Variants in ASNS observed in about 807,000 individuals in gnomAD.
ASNS encodes the protein asparagine synthetase [glutamine-hydrolyzing].
Under a neutral mutation model 62.6 loss-of-function variants are expected in ASNS, and 37 were observed. That is an observed-to-expected ratio of 0.59 (90% CI 0.45 to 0.78). The LOEUF (loss-of-function observed/expected upper bound fraction) is 0.78, where lower values mean the gene tolerates loss of function less well. Ranked by LOEUF, ASNS falls within the 30% of genes least tolerant of loss-of-function variation. ASNS has a pLI of 0.00. For synonymous variants in ASNS, 207 were observed against 237.9 expected, an observed-to-expected ratio of 0.87 and a Z score of 1.19; for missense variants, 520 against 682.4, an observed-to-expected ratio of 0.76 and a Z score of 2.65.
At chr7:97,927,030 C>G in the ASNS span, among the ~76,000 whole-genome samples, 1 of 150,306 alleles carries the variant, frequency 6.7e-6, no homozygotes, top group East Asian at 2.0e-4. Context: ...ACCTCAGCCT[C>G]CCAAGTACTT....
At chr7:97,912,416 G>C in the ASNS span, among the ~76,000 whole-genome samples, 2 of 151,914 alleles carry the variant, frequency 1.3e-5, no homozygotes, top group African/African-American at 2.4e-5. Flanking sequence ...ACCCAAAGTG[G>C]CTCCCCCATT....
At chr7:97,864,620 G>A in intron 3 of ASNS, 124 bp from the exon 4 acceptor site, 1 of 693,448 alleles carries the variant, frequency 1.4e-6, no homozygotes, top group East Asian at 2.6e-5. Context: ...GGTGATTTAG[G>A]AGAATCACAG....
the ASNS span, among the ~76,000 whole-genome samples, chr7:97,896,925 C>A: frequency 6.6e-6 from 1 of 150,590 alleles, no homozygotes; most frequent in Non-Finnish European, 1.5e-5. Context: ...ATAAAGGACA[C>A]CCCACCCTCT....
the ASNS span, among the ~76,000 whole-genome samples, chr7:97,917,159 A>G: frequency 6.6e-6 from 1 of 151,968 alleles, no homozygotes; most frequent in Non-Finnish European, 1.5e-5. Context: ...TCAGATAAAC[A>G]ACAAATCATT....
the ASNS span, among the ~76,000 whole-genome samples, chr7:97,910,756 C>A: frequency 4.5e-4 from 68 of 152,278 alleles, no homozygotes; most frequent in African/African-American, 1.6e-3. Flanking sequence ...CACCCACCAC[C>A]ACACCTGGCT....
the ASNS span, among the ~76,000 whole-genome samples, chr7:97,910,794 G>T: frequency 1.3e-5 from 2 of 152,052 alleles, no homozygotes; most frequent in Admixed American, 6.6e-5. Context: ...TAGAGACAGG[G>T]TTTCACCATG....
the ASNS span, among the ~76,000 whole-genome samples, chr7:97,916,586 G>C: frequency 6.6e-6 from 1 of 152,300 alleles, no homozygotes; most frequent in South Asian, 2.1e-4. Context: ...TAGGCTGCGT[G>C]CATGTGAACA....
rs1085307956 is a variant in ASNS, at chr7:97,853,112, G to A, written c.1424C>T (p.Thr475Ile). Residue 475 changes from threonine to isoleucine, a missense_variant, in exon 12 of 13, where the codon ACT (threonine) becomes ATT (isoleucine). Physicochemically the swap from Thr to Ile is moderately conservative, Grantham distance 89. Transcript: ENST00000394308. ...RPKEAFSDGITSVKNSWFKIL... is the reference protein window; with the variant it reads ...RPKEAFSDGIISVKNSWFKIL... ...CTTAAACCAGGAATTCTTAACTGAAGTTATTCCATCACTGAAGGCTTCTTT... is the reference window on the plus strand; with the variant it reads ...CTTAAACCAGGAATTCTTAACTGAAATTATTCCATCACTGAAGGCTTCTTT... The A allele has an allele frequency of 1.5e-5, 24 of 1,608,094 alleles. No homozygotes were observed. The highest frequency in any genetic ancestry group is 2.2e-5 in the East Asian group (1 of 44,824).
rs2115789914 is a variant in ASNS, at chr7:97,872,401, G to C, written c.-110C>G. On this transcript the variant is annotated 5_prime_UTR_variant, in exon 1 of 13. Transcript: ENST00000394308. Reference sequence around the variant, plus strand: ...GTGGCGGGCTGAGGCCAGGGATGTGGACAGCTTGACGGGCGGCGAGGCCGC... The same window carrying C: ...GTGGCGGGCTGAGGCCAGGGATGTGCACAGCTTGACGGGCGGCGAGGCCGC... 6.6e-6 allele frequency: 1 copy of C among 152,502 alleles called. No individual in the cohort carries two copies. The highest frequency in any genetic ancestry group is 1.5e-5 in the Non-Finnish European group (1 of 68,508). The allele number at this position is 152,502 out of a possible 1,614,324, so 9.4% of individuals were successfully genotyped here.
the ASNS span, among the ~76,000 whole-genome samples, chr7:97,916,166 G>A: frequency 6.6e-6 from 1 of 152,026 alleles, no homozygotes; most frequent in South Asian, 2.1e-4. Flanking sequence ...ATCACCTGAG[G>A]TCAGGAGTTC....
the ASNS span, among the ~76,000 whole-genome samples, chr7:97,896,741 C>CACACAG: frequency 5.7e-3 from 113 of 19,784 alleles, 5 homozygotes; most frequent in African/African-American, 0.012. Context: ...CACACACACA[C>CACACAG]ATATATATAT....
the ASNS span, among the ~76,000 whole-genome samples, chr7:97,920,841 T>C: frequency 2.0e-5 from 3 of 152,282 alleles, no homozygotes; most frequent in Non-Finnish European, 2.9e-5. Context: ...TTAATTTCAA[T>C]AACGCCACTT....
chr7:97,907,025 C>T, the ASNS span, among the ~76,000 whole-genome samples: 2 of 152,184 alleles, frequency 1.3e-5, no homozygotes, highest in African/African-American at 4.8e-5. Flanking sequence ...TATCCTCATC[C>T]AGAATACCTC....
At chr7:97,924,645 T>C in the ASNS span, among the ~76,000 whole-genome samples, 2 of 152,090 alleles carry the variant, frequency 1.3e-5, no homozygotes, top group East Asian at 3.9e-4. Flanking sequence ...TCCTGGACCC[T>C]GAGAACCAGG....
chr7:97,876,821 A>C (rs1447923086), upstream of ASNS, among the ~76,000 whole-genome samples: 2 of 152,176 alleles, frequency 1.3e-5, no homozygotes, highest in East Asian at 3.9e-4. Context: ...CTATCCCTGA[A>C]GGAACAGGCT....
rs1791204816 is a variant in ASNS, at chr7:97,852,118, A to G, written c.*141T>C. 9.2e-6 allele frequency: 8 copies of G among 869,206 alleles called. No homozygotes were observed. Among genetic ancestry groups the G allele is most frequent in the Admixed American group, 2.5e-5 (1 of 40,118 alleles). The allele number at this position is 869,206 out of a possible 1,614,324, so 53.8% of individuals were successfully genotyped here. On this transcript the variant is annotated 3_prime_UTR_variant, in exon 13 of 13. Coordinates refer to ENST00000394308, the MANE Select transcript of ASNS (RefSeq NM_001673.5). ...AGAGACTGCATGAACATAAATGACT[A>G]CAGCAATGGTTTAGATTTAGGACTT... is the stretch of plus-strand genomic sequence containing the variant.
upstream of ASNS, chr7:97,872,556 G>A (rs1356996711): frequency 6.6e-6 from 1 of 152,412 alleles, no homozygotes; most frequent in Non-Finnish European, 1.5e-5. Context: ...TGGGGCGGCG[G>A]AAGGGCGCAA....
chr7:97,859,373 C>G lies in ASNS; in HGVS notation c.513G>C (p.Ala171=), dbSNP rs755945639. The part of the protein sequence containing the change: ...AKGLVTLKHS[A]TPFLKVEPFL... ...AAGGCTCCACTTTTAAAAAGGGAGT[C>G]GCGGAGTGCTTCAATGTAACAAGAC... The change falls in exon 5 of 13, where the codon GCG becomes GCC. Residue 171 remains alanine, a synonymous_variant. Transcript: ENST00000394308. The G allele has an allele frequency of 6.2e-7, 1 of 1,612,426 alleles. No homozygotes were observed. Among genetic ancestry groups the G allele is most frequent in the Non-Finnish European group, 8.5e-7 (1 of 1,179,174 alleles).
At chr7:97,872,021 A>AC (rs1792296611) in intron 1 of ASNS, 1 of 151,960 alleles carries the variant, frequency 6.6e-6, no homozygotes, top group African/African-American at 2.4e-5. Flanking sequence ...AGTAAAAAAA[A>AC]GTACACATAT....
Sources: gnomAD v4.1 joint callset for allele counts (sites outside exome capture counted in the v4.1 genomes callset) on GRCh38, gnomAD v4.1.1 for gene constraint, MANE v1.5 for transcripts, NCBI Gene and HGNC (gene_info 2026-07-23, HGNC 2026-07-21) for gene names.